The following TAFA1 variants were observed in gnomAD, a reference collection of about 807,000 sequenced individuals.
The protein encoded by TAFA1 is TAFA chemokine like family member 1.
In TAFA1, 4 loss-of-function variants were observed where a neutral mutation model predicts 18.5. The observed-to-expected ratio is 0.22, with a 90% CI of 0.11 to 0.49. The LOEUF is 0.49. Ranked by LOEUF, TAFA1 falls within the 20% of genes least tolerant of loss-of-function variation. TAFA1 has a pLI of 0.98. For synonymous variants in TAFA1, 56 were observed against 55.2 expected, an observed-to-expected ratio of 1.01 and a Z score of -0.06; for missense variants, 147 against 169.0, an observed-to-expected ratio of 0.87 and a Z score of 0.72.
intron 3 of TAFA1, among the ~76,000 whole-genome samples, chr3:68,467,444 T>C (rs1575894223): frequency 1.3e-5 from 2 of 151,988 alleles, no homozygotes; most frequent in African/African-American, 4.8e-5. Context: ...TGGTTACGGG[T>C]AGATGATGTT....
At chr3:68,476,772 C>T in intron 3 of TAFA1, among the ~76,000 whole-genome samples, 1 of 152,224 alleles carries the variant, frequency 6.6e-6, no homozygotes, top group East Asian at 1.9e-4. Flanking sequence ...ATATAGAACC[C>T]ATTTGTAACC....
chr3:68,336,497 C>G lies in TAFA1; in HGVS notation c.119-80783C>G, dbSNP rs758732140. Among the ~76,000 whole-genome samples the G allele has an allele frequency of 6.8e-4, 104 of 152,330 alleles. 1 individual carries two copies. The highest frequency in any genetic ancestry group is 6.8e-3 in the Middle Eastern group (2 of 294). ...AATTTCCTCTTCTCCACCATCAGAT[C>G]TGTGAGAAAACACATCTTTGGCCAA... On this transcript the variant is annotated intron_variant, in intron 2 of 4. Coordinates refer to ENST00000478136, the MANE Select transcript of TAFA1 (RefSeq NM_213609.4).
chr3:68,284,439 G>A (rs976792594), intron 2 of TAFA1, among the ~76,000 whole-genome samples: 6 of 152,308 alleles, frequency 3.9e-5, no homozygotes, highest in Middle Eastern at 3.4e-3. Context: ...TTGGCAATTT[G>A]TAATAGAATA....
At chr3:68,198,471 T>C (rs973564025) in intron 2 of TAFA1, among the ~76,000 whole-genome samples, 4 of 151,682 alleles carry the variant, frequency 2.6e-5, no homozygotes, top group Admixed American at 2.0e-4. Flanking sequence ...GTGTCTGTAA[T>C]ATTTTGCATT....
intron 2 of TAFA1, among the ~76,000 whole-genome samples, chr3:68,394,911 A>G (rs531787221): frequency 6.6e-6 from 1 of 152,284 alleles, no homozygotes; most frequent in Non-Finnish European, 1.5e-5. Context: ...ATGACTAAAC[A>G]CCAAAAGCAA....
intron 3 of TAFA1, among the ~76,000 whole-genome samples, chr3:68,424,193 C>G (rs2071012181): frequency 6.6e-6 from 1 of 151,928 alleles, no homozygotes; most frequent in East Asian, 1.9e-4. Context: ...TACTTAGTCC[C>G]CAAGATAAGT....
intron 3 of TAFA1, among the ~76,000 whole-genome samples, chr3:68,501,175 A>G (rs1241114701): frequency 7.2e-6 from 1 of 138,926 alleles, no homozygotes; most frequent in African/African-American, 2.8e-5. Flanking sequence ...AAAAAAAAAA[A>G]GGGAAAATGT....
rs567396429 is a variant in TAFA1, at chr3:68,467,295, A to G, written c.259+49875A>G. ...AAGAAGATGATAGGATTAAGAGATT[A>G]AAGTAAAGACAGGCATAGGAAATTA... is the stretch of plus-strand genomic sequence containing the variant. On this transcript the variant is annotated intron_variant, in intron 3 of 4. Coordinates refer to ENST00000478136, the MANE Select transcript of TAFA1 (RefSeq NM_213609.4). Among the ~76,000 whole-genome samples, 4 of 152,318 alleles carry G rather than the reference A, an allele frequency of 2.6e-5. No homozygotes were observed. In the East Asian group the frequency reaches 5.8e-4, roughly 22 times the overall value.
chr3:68,291,958 G>A (rs1350573989), intron 2 of TAFA1, among the ~76,000 whole-genome samples: 1 of 152,052 alleles, frequency 6.6e-6, no homozygotes, highest in African/African-American at 2.4e-5. Flanking sequence ...CTGGGAGGTG[G>A]CTTCCAGAAT....
At chr3:68,308,058 C>T (rs924581193) in intron 2 of TAFA1, among the ~76,000 whole-genome samples, 11 of 151,976 alleles carry the variant, frequency 7.2e-5, no homozygotes, top group East Asian at 3.9e-4. Flanking sequence ...AGTAATAAAT[C>T]GGGTGACATA....
chr3:68,327,422 A>G lies in TAFA1; in HGVS notation c.119-89858A>G, dbSNP rs1013446385. Among the ~76,000 whole-genome samples the G allele has an allele frequency of 6.6e-5, 10 of 152,310 alleles. No homozygotes were observed. The East Asian group carries it at 7.7e-4, about 12-fold the overall frequency. ...ATTTTTACAAAAACTTGAAAGTAAA[A>G]TGGTTGTATAACTGAGGGGATACAA... On this transcript the variant is annotated intron_variant, in intron 2 of 4. Coordinates refer to ENST00000478136, the MANE Select transcript of TAFA1 (RefSeq NM_213609.4).
chr3:68,164,709 C>T (rs974772232), intron 2 of TAFA1, among the ~76,000 whole-genome samples: 2 of 151,460 alleles, frequency 1.3e-5, no homozygotes, highest in Non-Finnish European at 2.9e-5. Flanking sequence ...AGGGTTAGCT[C>T]TCAAGTTTTC....
At chr3:68,525,181 A>C (rs1452309794) in intron 3 of TAFA1, among the ~76,000 whole-genome samples, 1 of 152,160 alleles carries the variant, frequency 6.6e-6, no homozygotes, top group African/African-American at 2.4e-5. Context: ...TAGCTTTCTT[A>C]ATGCCATCAC....
chr3:68,122,568 A>G (rs2065413806), intron 2 of TAFA1, among the ~76,000 whole-genome samples: 1 of 152,218 alleles, frequency 6.6e-6, no homozygotes, highest in African/African-American at 2.4e-5. Flanking sequence ...AGAGAAAATG[A>G]GTTAAATATG....
chr3:68,337,865 C>G (rs925080484), intron 2 of TAFA1, among the ~76,000 whole-genome samples: 9 of 152,174 alleles, frequency 5.9e-5, no homozygotes, highest in Non-Finnish European at 1.0e-4. Context: ...CCGATCTTCT[C>G]TCTTCCAGCT....
At chr3:68,080,249 G>C (rs922980312) in intron 2 of TAFA1, among the ~76,000 whole-genome samples, 2 of 152,086 alleles carry the variant, frequency 1.3e-5, no homozygotes, top group Admixed American at 1.3e-4. Flanking sequence ...CAGACTGATG[G>C]GTCTTGACTC....
At chr3:68,275,382 C>T (rs6774420) in intron 2 of TAFA1, among the ~76,000 whole-genome samples, 21 of 151,952 alleles carry the variant, frequency 1.4e-4, no homozygotes, top group South Asian at 6.3e-4. Context: ...AATGTGTTCT[C>T]TTGAAGGTGC....
intron 2 of TAFA1, among the ~76,000 whole-genome samples, chr3:68,140,608 G>A (rs2065657952): frequency 6.6e-6 from 1 of 152,144 alleles, no homozygotes; most frequent in Non-Finnish European, 1.5e-5. Context: ...CTTTGATCAA[G>A]TTCCTAAACT....
intron 3 of TAFA1, among the ~76,000 whole-genome samples, chr3:68,475,156 T>A (rs1559684673): frequency 6.6e-6 from 1 of 152,094 alleles, no homozygotes; most frequent in East Asian, 1.9e-4. Flanking sequence ...TTTAATCTCT[T>A]TTTTAAATTA....
Sources: allele counts gnomAD v4.1 joint callset (sites outside exome capture counted in the v4.1 genomes callset), GRCh38; gene constraint gnomAD v4.1.1; transcripts MANE v1.5; gene names NCBI Gene and HGNC (gene_info 2026-07-23, HGNC 2026-07-21).